DMD: variants seen among roughly 807,000 people sequenced by gnomAD.
DMD encodes mutant dystrophin.
In DMD, 63 loss-of-function variants were observed where a neutral mutation model predicts 330.1. The ratio of observed to expected loss-of-function variants is 0.19; its 90% CI spans 0.16 to 0.24. DMD has a LOEUF of 0.24. Ranked by LOEUF, DMD falls within the 10% of genes least tolerant of loss-of-function variation. The pLI, the probability that DMD is intolerant of heterozygous loss-of-function variation, is 1.00. For synonymous variants in DMD, 1,223 were observed against 959.8 expected (o/e 1.27, Z -5.07); for missense variants, 3,344 against 2,684.1 (o/e 1.25, Z -5.43).
At chrX:32,333,177 A>AT (rs1486919018) in intron 41 of DMD, among the ~76,000 whole-genome samples, 6 of 111,371 alleles carry the variant, frequency 5.4e-5, no homozygotes, top group Non-Finnish European at 7.6e-5. Context: ...AGACTTTTCC[A>AT]TTTTTTTACC....
intron 7 of DMD, among the ~76,000 whole-genome samples, chrX:32,804,069 C>A (rs2076781281): frequency 9.0e-6 from 1 of 111,150 alleles, no homozygotes; most frequent in Admixed American, 9.6e-5. Flanking sequence ...TCAAGTCTCC[C>A]ACTATTATTG....
intron 64 of DMD, among the ~76,000 whole-genome samples, chrX:31,221,093 C>T (rs933477534): frequency 9.2e-6 from 1 of 108,927 alleles, no homozygotes; most frequent in Non-Finnish European, 1.9e-5. Context: ...CTCCACTTAT[C>T]TCCCTTACTA....
intron 43 of DMD, among the ~76,000 whole-genome samples, chrX:32,282,197 G>A (rs751908702): frequency 9.0e-6 from 1 of 111,497 alleles, no homozygotes; most frequent in Non-Finnish European, 1.9e-5. Flanking sequence ...TAGTAAAGAT[G>A]GTATCAGAAA....
intron 34 of DMD, among the ~76,000 whole-genome samples, chrX:32,379,954 C>T (rs2147461717): frequency 9.0e-6 from 1 of 110,788 alleles, no homozygotes; most frequent in Non-Finnish European, 1.9e-5. Flanking sequence ...AGTCTCTTGA[C>T]TAAGTTCTAA....
At chrX:32,799,850 A>G (rs1056826900) in intron 7 of DMD, among the ~76,000 whole-genome samples, 1 of 111,310 alleles carries the variant, frequency 9.0e-6, no homozygotes, top group African/African-American at 3.3e-5. Flanking sequence ...TAAACACACT[A>G]GAAACAGCTC....
intron 1 of DMD, among the ~76,000 whole-genome samples, chrX:33,326,870 G>T (rs2054095940): frequency 1.8e-5 from 2 of 110,558 alleles, no homozygotes; most frequent in African/African-American, 6.6e-5. Context: ...AGATATGGAG[G>T]GGGGATGGCA....
intron 7 of DMD, among the ~76,000 whole-genome samples, chrX:32,773,750 T>A (rs1026259333): frequency 9.0e-6 from 1 of 111,551 alleles, no homozygotes; most frequent in African/African-American, 3.3e-5. Flanking sequence ...TCGCTCTCCT[T>A]TTTTAAAGCT....
intron 61 of DMD, among the ~76,000 whole-genome samples, chrX:31,347,843 T>TAA (rs1008626289): frequency 1.8e-5 from 2 of 112,217 alleles, no homozygotes; most frequent in African/African-American, 6.5e-5. Flanking sequence ...ATCAACACTG[T>TAA]AAAAGAGTTC....
At chrX:33,039,597 A>G (rs984669471) in intron 1 of DMD, among the ~76,000 whole-genome samples, 2 of 111,709 alleles carry the variant, frequency 1.8e-5, no homozygotes, top group African/African-American at 3.3e-5. Flanking sequence ...TGGGTGATTC[A>G]CAGATAACAG....
chrX:31,977,204 T>A (rs943615278), intron 44 of DMD, among the ~76,000 whole-genome samples: 1 of 112,026 alleles, frequency 8.9e-6, no homozygotes, highest in Non-Finnish European at 1.9e-5. Flanking sequence ...TTAAGAAATA[T>A]TTGTTGATAA....
chrX:32,404,199 G>GT lies in DMD; in HGVS notation c.4233+7552dup, dbSNP rs1275545176. Among the ~76,000 whole-genome samples the GT allele has an allele frequency of 2.7e-5, 3 of 111,596 alleles. No individual in the cohort carries two copies. The East Asian group carries it at 8.4e-4, about 31-fold the overall frequency. On this transcript the variant is annotated intron_variant, in intron 30 of 78. Coordinates refer to ENST00000357033, the MANE Select transcript of DMD (RefSeq NM_004006.3). ...GAATTCTTCTTAAAGTGCATTTAAC[G>GT]TAATTAGTTTAAATTAATAGCTTTC...
chrX:31,298,091 A>G (rs934051042), intron 62 of DMD, among the ~76,000 whole-genome samples: 1 of 112,010 alleles, frequency 8.9e-6, no homozygotes, highest in Non-Finnish European at 1.9e-5. Flanking sequence ...AGTGGAATGT[A>G]CAACTTCTAG....
chrX:33,012,417 C>T (rs1000500007), intron 2 of DMD, among the ~76,000 whole-genome samples: 2 of 111,424 alleles, frequency 1.8e-5, no homozygotes, highest in Non-Finnish European at 3.8e-5. Flanking sequence ...CATGTAAACA[C>T]AATAATTTGT....
chrX:32,406,390 C>T (rs972898089), intron 30 of DMD, among the ~76,000 whole-genome samples: 19 of 110,206 alleles, frequency 1.7e-4, no homozygotes, highest in Non-Finnish European at 1.5e-4. Context: ...GCTGTGGGTT[C>T]ATCATAGATA....
rs191774907 is a variant in DMD, at chrX:32,564,017, C to T, written c.1992+1685G>A. ...TACTGCTCATCTACTTCCTCCCACCCTCCCACCTCAAGTAGATCCCAGTGT... is the reference window on the plus strand; with the variant it reads ...TACTGCTCATCTACTTCCTCCCACCTTCCCACCTCAAGTAGATCCCAGTGT... On this transcript the variant is annotated intron_variant, in intron 16 of 78. Coordinates refer to ENST00000357033, the MANE Select transcript of DMD (RefSeq NM_004006.3). Among the ~76,000 whole-genome samples, 298 of 111,673 alleles carry T rather than the reference C, an allele frequency of 2.7e-3. 1 individual carries two copies. The highest frequency in any genetic ancestry group is 9.3e-3 in the African/African-American group (286 of 30,756).
At chrX:32,089,638 A>G (rs2096462764) in intron 44 of DMD, among the ~76,000 whole-genome samples, 1 of 112,105 alleles carries the variant, frequency 8.9e-6, no homozygotes, top group African/African-American at 3.2e-5. Flanking sequence ...TCATGGCCAC[A>G]TAGTATTCCA....
chrX:33,189,752 G>A (rs776317235), intron 1 of DMD, among the ~76,000 whole-genome samples: 8 of 111,257 alleles, frequency 7.2e-5, no homozygotes, highest in Non-Finnish European at 1.1e-4. Flanking sequence ...CATACATCAC[G>A]GAGTTGGCAT....
intron 45 of DMD, among the ~76,000 whole-genome samples, chrX:31,955,601 G>A (rs982557010): frequency 1.8e-5 from 2 of 112,208 alleles, no homozygotes; most frequent in Non-Finnish European, 3.8e-5. Flanking sequence ...GAGATATTGC[G>A]ACAATTAAGT....
chrX:31,785,023 GAAGT>G (rs1340334510), intron 50 of DMD, among the ~76,000 whole-genome samples: 6 of 111,613 alleles, frequency 5.4e-5, no homozygotes, highest in Non-Finnish European at 9.4e-5. Context: ...GCCAAAAATT[GAAGT>G]AACTAAAATG....
Sources: allele counts gnomAD v4.1 joint callset (sites outside exome capture counted in the v4.1 genomes callset), GRCh38; gene constraint gnomAD v4.1.1; transcripts MANE v1.5; gene names NCBI Gene and HGNC (gene_info 2026-07-23, HGNC 2026-07-21).